The following MECR variants were observed in gnomAD, a reference collection of about 807,000 sequenced individuals.
MECR encodes the protein enoyl-[acyl-carrier-protein] reductase, mitochondrial.
In MECR, 37 loss-of-function variants were observed where a neutral mutation model predicts 49.1. The ratio of observed to expected loss-of-function variants is 0.75; its 90% CI spans 0.58 to 0.99. The LOEUF (loss-of-function observed/expected upper bound fraction) is 0.99, where lower values mean the gene tolerates loss of function less well. Among genes scored for constraint, MECR ranks in the 50% least tolerant of loss-of-function variants. MECR has a pLI of 0.00. For missense variants in MECR, 470 were observed against 479.6 expected, an observed-to-expected ratio of 0.98 and a Z score of 0.19; for synonymous variants, 198 against 191.1, an observed-to-expected ratio of 1.04 and a Z score of -0.30.
chr1:29,182,717 T>C, the MECR span, among the ~76,000 whole-genome samples: 1 of 152,146 alleles, frequency 6.6e-6, no homozygotes, highest in Non-Finnish European at 1.5e-5. Flanking sequence ...CTAATTTTTG[T>C]ATTTTTAGGA....
chr1:29,203,351 G>T, intron 4 of MECR, 118 bp from the exon 5 acceptor site: 1 of 693,686 alleles, frequency 1.4e-6, no homozygotes, highest in Non-Finnish European at 2.4e-6. Context: ...AGGGACCCAG[G>T]ACCTGGCTGC....
the MECR span, among the ~76,000 whole-genome samples, chr1:29,187,225 CTTTTT>C: frequency 1.5e-4 from 23 of 152,258 alleles, no homozygotes; most frequent in African/African-American, 5.1e-4. Flanking sequence ...TTTCTCTTTT[CTTTTT>C]TGAGACCGAG....
downstream of MECR, among the ~76,000 whole-genome samples, chr1:29,191,164 G>C (rs140694551): frequency 2.0e-5 from 3 of 152,216 alleles, no homozygotes; most frequent in South Asian, 6.2e-4. Flanking sequence ...CATTCTGCAC[G>C]TTCCTCCAGA....
rs1574564577 is a variant in MECR at position 29,230,865 on chromosome 1, G to T, written c.42C>A (p.Ala14=). 6.2e-7 allele frequency: 1 copy of T among 1,607,866 alleles called. No individual in the cohort carries two copies. Among genetic ancestry groups the T allele is most frequent in the Non-Finnish European group, 8.5e-7 (1 of 1,179,250 alleles). The change falls in exon 1 of 10, where the codon GCC becomes GCA. Residue 14 remains alanine (A), a synonymous_variant. Transcript: ENST00000263702. Reference sequence around the variant, plus strand: ...CTGGGAGCAGCCCCCGCCACTGCCGGGCGGGGGTTCGCACCCGCCACAGGG... The same window carrying T: ...CTGGGAGCAGCCCCCGCCACTGCCGTGCGGGGGTTCGCACCCGCCACAGGG... The part of the protein sequence containing the change: ...CSTLWRVRTP[A]RQWRGLLPAS...
chr1:29,230,736 G>C lies in MECR; in HGVS notation c.171C>G (p.Val57=). The change falls in exon 1 of 10, where the codon GTC becomes GTG. Residue 57 remains valine, a synonymous_variant. Coordinates refer to ENST00000263702, the MANE Select transcript of MECR (RefSeq NM_016011.5). Reference sequence around the variant, plus strand: ...GCTTCGGCGCCGTCTCTTACTCGACGACCTTGGCTGGATCCCCGTGGTGCC... The same window carrying C: ...GCTTCGGCGCCGTCTCTTACTCGACCACCTTGGCTGGATCCCCGTGGTGCC... ...VYGHHGDPAK[V]VELKNLELAA... is the part of the protein sequence containing the mutation. The C allele has an allele frequency of 6.3e-7, 1 of 1,577,934 alleles. No homozygotes were observed. The highest frequency in any genetic ancestry group is 8.6e-7 in the Non-Finnish European group (1 of 1,161,782).
At chr1:29,194,666 C>G (rs991637075) in intron 9 of MECR, among the ~76,000 whole-genome samples, 4 of 152,196 alleles carry the variant, frequency 2.6e-5, no homozygotes, top group Non-Finnish European at 4.4e-5. Flanking sequence ...CCGGACGCCA[C>G]CAACATCCCC....
chr1:29,172,588 G>T, the MECR span: 3 of 152,202 alleles, frequency 2.0e-5, no homozygotes, highest in Non-Finnish European at 4.4e-5. Context: ...CACCACGCCT[G>T]GCCAGCAAAC....
chr1:29,194,739 C>T (rs953855077), intron 9 of MECR, among the ~76,000 whole-genome samples: 3 of 152,178 alleles, frequency 2.0e-5, no homozygotes, highest in Admixed American at 6.5e-5. Flanking sequence ...GTGAAGGCCT[C>T]GGCTGAGAAG....
the MECR span, among the ~76,000 whole-genome samples, chr1:29,175,713 A>T: frequency 6.8e-6 from 1 of 148,032 alleles, no homozygotes; most frequent in East Asian, 1.9e-4. Context: ...AAAAAAAAAA[A>T]AAAAAAAAAA....
chr1:29,188,419 G>C (rs531079413), downstream of MECR, among the ~76,000 whole-genome samples: 3 of 152,058 alleles, frequency 2.0e-5, no homozygotes, highest in African/African-American at 7.2e-5. Flanking sequence ...GCTCAGGCTG[G>C]TCTCGAACTC....
chr1:29,216,521 G>T, intron 2 of MECR, 67 bp downstream of exon 2: 1 of 1,468,070 alleles, frequency 6.8e-7, no homozygotes, highest in Non-Finnish European at 9.5e-7. Flanking sequence ...CACCTGAGGA[G>T]GAATGAAAAT....
intron 1 of MECR, among the ~76,000 whole-genome samples, chr1:29,229,938 A>T (rs1392531875): frequency 6.6e-6 from 1 of 152,238 alleles, no homozygotes; most frequent in Non-Finnish European, 1.5e-5. Flanking sequence ...ACAGAATTTT[A>T]GGAGGAGGAC....
intron 1 of MECR, among the ~76,000 whole-genome samples, chr1:29,225,189 C>T (rs1681747090): frequency 6.6e-6 from 1 of 152,170 alleles, no homozygotes; most frequent in African/African-American, 2.4e-5. Context: ...AGGGTAGTCC[C>T]CTCTGAGCTG....
At chr1:29,186,929 G>A in the MECR span, among the ~76,000 whole-genome samples, 2 of 152,210 alleles carry the variant, frequency 1.3e-5, no homozygotes, top group Non-Finnish European at 2.9e-5. Flanking sequence ...AATGACATAG[G>A]AAATTTCTAA....
chr1:29,202,388 T>C (rs556883006), intron 5 of MECR, among the ~76,000 whole-genome samples: 60 of 152,352 alleles, frequency 3.9e-4, no homozygotes, highest in Non-Finnish European at 6.3e-4. Flanking sequence ...CAAGTGGTTC[T>C]TCAGAGTGTT....
intron 2 of MECR, 150 bp downstream of exon 2, chr1:29,216,438 G>T: frequency 2.3e-6 from 2 of 867,662 alleles, no homozygotes. Context: ...AGGGAGGCCA[G>T]ACAGGGCTGA....
chr1:29,209,233 T>C (rs1574373475), intron 3 of MECR, among the ~76,000 whole-genome samples: 1 of 152,246 alleles, frequency 6.6e-6, no homozygotes, highest in East Asian at 1.9e-4. Flanking sequence ...CTATGTGTGA[T>C]ACTCTGCTAT....
the MECR span, among the ~76,000 whole-genome samples, chr1:29,186,760 T>C: frequency 6.6e-6 from 1 of 152,118 alleles, no homozygotes; most frequent in Non-Finnish European, 1.5e-5. Flanking sequence ...AGGCCACCTG[T>C]GGAGCCAAAA....
chr1:29,223,153 C>A (rs574005854), intron 1 of MECR: 2 of 985,300 alleles, frequency 2.0e-6, no homozygotes, highest in Admixed American at 6.1e-5. Context: ...TCACGTCCTC[C>A]GTGAATGTAA....
Sources: allele counts gnomAD v4.1 joint callset (sites outside exome capture counted in the v4.1 genomes callset), GRCh38; gene constraint gnomAD v4.1.1; transcripts MANE v1.5; gene names NCBI Gene and HGNC (gene_info 2026-07-23, HGNC 2026-07-21).